Variants in THSD4 observed in about 807,000 individuals in gnomAD.
The protein encoded by THSD4 is thrombospondin type-1 domain-containing protein 4.
In THSD4, 69 loss-of-function variants were observed where a neutral mutation model predicts 119.0. That is an observed-to-expected ratio of 0.58 (90% CI 0.48 to 0.71). The LOEUF (loss-of-function observed/expected upper bound fraction) is 0.71, where lower values mean the gene tolerates loss of function less well. Ranked by LOEUF, THSD4 falls within the 30% of genes least tolerant of loss-of-function variation. The probability of loss-of-function intolerance (pLI) is 0.00; values close to 1 mark genes in which losing one functional copy is unlikely to be tolerated. For synonymous variants in THSD4, 524 were observed against 540.4 expected (o/e 0.97, Z 0.42); for missense variants, 1,393 against 1,391.1 (o/e 1.00, Z -0.02).
chr15:71,233,530 T>A (rs2044078062), intron 4 of THSD4, among the ~76,000 whole-genome samples: 1 of 152,214 alleles, frequency 6.6e-6, no homozygotes, highest in South Asian at 2.1e-4. Flanking sequence ...CAGCTTAGTA[T>A]CTTTACTGTT....
At chr15:71,461,338 C>T (rs1218315316) in intron 7 of THSD4, among the ~76,000 whole-genome samples, 1 of 152,134 alleles carries the variant, frequency 6.6e-6, no homozygotes, top group Non-Finnish European at 1.5e-5. Context: ...GAGGTAGAAG[C>T]CCCAATATAT....
intron 6 of THSD4, among the ~76,000 whole-genome samples, chr15:71,365,781 G>T (rs2045954186): frequency 6.6e-6 from 1 of 152,130 alleles, no homozygotes; most frequent in South Asian, 2.1e-4. Context: ...AGTAGGAGAA[G>T]TTATTTCACT....
chr15:71,153,791 A>G (rs2040749423), intron 2 of THSD4, among the ~76,000 whole-genome samples: 1 of 152,252 alleles, frequency 6.6e-6, no homozygotes, highest in Non-Finnish European at 1.5e-5. Context: ...TAGGTTAAAT[A>G]CGATTTGACA....
intron 7 of THSD4, among the ~76,000 whole-genome samples, chr15:71,644,288 C>G (rs1249564813): frequency 1.3e-5 from 2 of 152,114 alleles, no homozygotes; most frequent in East Asian, 3.9e-4. Context: ...TATGATAAGC[C>G]TCTTCTTCCT....
chr15:71,472,467 A>C (rs2047595273), intron 7 of THSD4, among the ~76,000 whole-genome samples: 1 of 152,126 alleles, frequency 6.6e-6, no homozygotes, highest in Non-Finnish European at 1.5e-5. Flanking sequence ...TTCCAACAAG[A>C]CTTGGACTGT....
At chr15:71,127,687 A>T (rs189825474) in intron 1 of THSD4, among the ~76,000 whole-genome samples, 1 of 152,190 alleles carries the variant, frequency 6.6e-6, no homozygotes, top group South Asian at 2.1e-4. Context: ...ATCTTTTTAT[A>T]TACCTGTGGG....
intron 3 of THSD4, among the ~76,000 whole-genome samples, chr15:71,169,718 T>C (rs961210087): frequency 6.6e-6 from 1 of 152,220 alleles, no homozygotes; most frequent in African/African-American, 2.4e-5. Context: ...CCTTGGACTT[T>C]AGACAACAAA....
intron 3 of THSD4, among the ~76,000 whole-genome samples, chr15:71,198,526 C>G (rs1242794358): frequency 6.6e-6 from 1 of 152,240 alleles, no homozygotes; most frequent in Non-Finnish European, 1.5e-5. Flanking sequence ...TCCTCCCCTA[C>G]TCTCTCCTCT....
chr15:71,541,784 A>T (rs1265559458), intron 7 of THSD4, among the ~76,000 whole-genome samples: 1 of 152,198 alleles, frequency 6.6e-6, no homozygotes. Context: ...AACAGGAGCT[A>T]GCTCAGTGAG....
intron 3 of THSD4, chr15:71,186,576 G>A (rs2043605964): frequency 6.6e-6 from 1 of 152,262 alleles, no homozygotes; most frequent in African/African-American, 2.4e-5. Flanking sequence ...GGGCTGGCAG[G>A]ATCCACAGGG....
Position 71,568,901 on chromosome 15 carries a change from T to C in THSD4, c.1153-91629T>C, listed in dbSNP as rs796990006. ...TTCTCTCTTTTTTAAGAACAATCTTTAAAATGTTTCCTCCTATGCATGATT... is the reference window on the plus strand; with the variant it reads ...TTCTCTCTTTTTTAAGAACAATCTTCAAAATGTTTCCTCCTATGCATGATT... On this transcript the variant is annotated intron_variant, in intron 7 of 17. Coordinates refer to ENST00000261862, the MANE Select transcript of THSD4 (RefSeq NM_024817.3). Among the ~76,000 whole-genome samples, 189 of 152,338 alleles carry C rather than the reference T, an allele frequency of 1.2e-3. 2 individuals are homozygous for C. Among genetic ancestry groups the C allele is most frequent in the African/African-American group, 4.2e-3 (173 of 41,576 alleles).
chr15:71,411,289 T>C (rs2046683839), intron 6 of THSD4, among the ~76,000 whole-genome samples: 1 of 152,206 alleles, frequency 6.6e-6, no homozygotes, highest in Non-Finnish European at 1.5e-5. Flanking sequence ...CCCTTCCCTC[T>C]ATCATCAAAT....
At chr15:71,257,409 G>A (rs762856425) in intron 6 of THSD4, among the ~76,000 whole-genome samples, 8 of 152,100 alleles carry the variant, frequency 5.3e-5, no homozygotes, top group Non-Finnish European at 8.8e-5. Context: ...CAGAATTTGT[G>A]GGGGTTCTAT....
rs2045726899 is a variant in THSD4 at position 71,350,254 on chromosome 15, C to G, written c.1016-61433C>G. On this transcript the variant is annotated intron_variant, in intron 6 of 17. Transcript: ENST00000261862. ...GTCCTTGAGTTTGACCACATTTACT[C>G]ACTAAAAATATCTCAAAGTTATGCT... Among the ~76,000 whole-genome samples, 4 of 151,910 alleles carry G rather than the reference C, an allele frequency of 2.6e-5. No individual in the cohort carries two copies. The South Asian group carries it at 8.3e-4, about 32-fold the overall frequency.
chr15:71,399,548 A>G (rs2046496783), intron 6 of THSD4, among the ~76,000 whole-genome samples: 1 of 152,216 alleles, frequency 6.6e-6, no homozygotes, highest in Non-Finnish European at 1.5e-5. Context: ...CTAACCTTTC[A>G]TTTAAGTAGC....
chr15:71,492,635 T>C (rs2047939076), intron 7 of THSD4, among the ~76,000 whole-genome samples: 1 of 152,160 alleles, frequency 6.6e-6, no homozygotes, highest in African/African-American at 2.4e-5. Context: ...AGGACCTGGC[T>C]TCACCAACTC....
At chr15:71,506,602 A>G (rs967636035) in intron 7 of THSD4, among the ~76,000 whole-genome samples, 1 of 152,258 alleles carries the variant, frequency 6.6e-6, no homozygotes, top group Non-Finnish European at 1.5e-5. Flanking sequence ...ACACAAGGTT[A>G]TAGAAATCCA....
chr15:71,765,345 C>A, intron 16 of THSD4, 146 bp downstream of exon 16: 1 of 975,200 alleles, frequency 1.0e-6, no homozygotes, highest in Non-Finnish European at 1.4e-6. Context: ...TGCTGGAGTA[C>A]CCCGTGACTC....
intron 7 of THSD4, among the ~76,000 whole-genome samples, chr15:71,588,372 TATC>T (rs781692950): frequency 6.9e-4 from 104 of 151,412 alleles, no homozygotes; most frequent in African/African-American, 2.4e-3. Flanking sequence ...TAGGAGGAAA[TATC>T]ATACTGGTGC....
Sources: allele counts gnomAD v4.1 joint callset (sites outside exome capture counted in the v4.1 genomes callset), GRCh38; gene constraint gnomAD v4.1.1; transcripts MANE v1.5; gene names NCBI Gene and HGNC (gene_info 2026-07-23, HGNC 2026-07-21).